Variants in VEZT observed in about 807,000 individuals in gnomAD.
VEZT encodes the protein vezatin, adherens junctions transmembrane protein, also known as vezatin.
In VEZT, 39 loss-of-function variants were observed where a neutral mutation model predicts 79.9. The ratio of observed to expected loss-of-function variants is 0.49; its 90% CI spans 0.38 to 0.64. The LOEUF (loss-of-function observed/expected upper bound fraction) is 0.64. VEZT is among the 30% of genes least tolerant of loss of function. The pLI, the probability that VEZT is intolerant of heterozygous loss-of-function variation, is 0.00. For missense variants in VEZT, 837 were observed against 893.1 expected, an observed-to-expected ratio of 0.94 and a Z score of 0.80; for synonymous variants, 325 against 327.6, an observed-to-expected ratio of 0.99 and a Z score of 0.09.
intron 1 of VEZT, among the ~76,000 whole-genome samples, chr12:95,227,799 C>A (rs2058705533): frequency 6.6e-6 from 1 of 152,184 alleles, no homozygotes; most frequent in Non-Finnish European, 1.5e-5. Flanking sequence ...CTGTCTTAAA[C>A]CTTGCTATTC....
At chr12:95,300,003 C>T in intron 11 of VEZT, 162 bp from the exon 12 acceptor site, 1 of 454,102 alleles carries the variant, frequency 2.2e-6, no homozygotes, top group East Asian at 3.6e-5. Flanking sequence ...TATAAAGTTT[C>T]CTGGATTTAT....
chr12:95,264,719 G>A (rs373231235), intron 4 of VEZT, among the ~76,000 whole-genome samples: 4 of 151,848 alleles, frequency 2.6e-5, no homozygotes, highest in Non-Finnish European at 2.9e-5. Context: ...TTACAGGCAC[G>A]AGCCCCTGCA....
chr12:95,232,353 G>A (rs976871817), intron 1 of VEZT, among the ~76,000 whole-genome samples: 2 of 152,156 alleles, frequency 1.3e-5, no homozygotes, highest in Admixed American at 6.6e-5. Context: ...AGTATGTAGA[G>A]AACACTTTTT....
chr12:95,243,535 T>G (rs1346979129), intron 1 of VEZT, among the ~76,000 whole-genome samples: 1 of 152,126 alleles, frequency 6.6e-6, no homozygotes, highest in Non-Finnish European at 1.5e-5. Context: ...CTGTTATAAA[T>G]AAATAAATAA....
intron 6 of VEZT, among the ~76,000 whole-genome samples, chr12:95,273,305 C>T (rs2067003544): frequency 6.6e-6 from 1 of 151,968 alleles, no homozygotes; most frequent in South Asian, 2.1e-4. Context: ...ATAAAAGGGA[C>T]TGTGTGTTTA....
chr12:95,233,932 A>T (rs2059629906), intron 1 of VEZT, among the ~76,000 whole-genome samples: 1 of 152,324 alleles, frequency 6.6e-6, no homozygotes, highest in South Asian at 2.1e-4. Flanking sequence ...GCTTAGTGGT[A>T]AAATTGCTAG....
chr12:95,255,472 C>G (rs2063314468), intron 2 of VEZT, among the ~76,000 whole-genome samples: 1 of 152,192 alleles, frequency 6.6e-6, no homozygotes. Context: ...CGCGCTGTCG[C>G]CCAGCCTTGA....
At chr12:95,292,471 A>G (rs953915581) in intron 9 of VEZT, among the ~76,000 whole-genome samples, 1 of 152,070 alleles carries the variant, frequency 6.6e-6, no homozygotes. Flanking sequence ...AATCTGTAGC[A>G]GGCACTTTTC....
At chr12:95,235,518 C>T (rs1379274464) in intron 1 of VEZT, among the ~76,000 whole-genome samples, 7 of 140,718 alleles carry the variant, frequency 5.0e-5, no homozygotes, top group Non-Finnish European at 9.4e-5. Context: ...ACCTCCCGGA[C>T]GGGGCAGCTG....
Position 95,274,143 on chromosome 12 carries a change from G to A in VEZT, c.849-599G>A, listed in dbSNP as rs187888501. Among the ~76,000 whole-genome samples, 15 of 152,246 alleles carry A rather than the reference G, an allele frequency of 9.9e-5. No individual in the cohort carries two copies. In the East Asian group the frequency reaches 2.9e-3, roughly 29 times the overall value. Reference sequence around the variant, plus strand: ...GCCCTGAACCATGACACAGTAAAGTGCACAATACAGCTACAAATGGTAGGT... The same window carrying A: ...GCCCTGAACCATGACACAGTAAAGTACACAATACAGCTACAAATGGTAGGT... On this transcript the variant is annotated intron_variant, in intron 6 of 11. Coordinates refer to ENST00000436874, the MANE Select transcript of VEZT (RefSeq NM_017599.4).
intron 1 of VEZT, among the ~76,000 whole-genome samples, chr12:95,240,011 A>G (rs1566039301): frequency 1.5e-5 from 2 of 134,226 alleles, no homozygotes; most frequent in Non-Finnish European, 3.2e-5. Flanking sequence ...AGAGAGAGAA[A>G]GAGAGAAAGA....
At chr12:95,255,980 G>T (rs1271811746) in intron 2 of VEZT, among the ~76,000 whole-genome samples, 1 of 151,900 alleles carries the variant, frequency 6.6e-6, no homozygotes, top group African/African-American at 2.4e-5. Context: ...AACTGTCCTG[G>T]AGTGCGCCAC....
chr12:95,234,355 T>C (rs1270612329), intron 1 of VEZT, among the ~76,000 whole-genome samples: 1 of 150,640 alleles, frequency 6.6e-6, no homozygotes, highest in Admixed American at 6.6e-5. Flanking sequence ...TGGCGCGATC[T>C]GGGCTCACCG....
At chr12:95,297,410 C>T (rs2367083) in intron 11 of VEZT, among the ~76,000 whole-genome samples, 112,331 of 150,546 alleles carry the variant, frequency 0.75, 42,744 homozygotes, top group African/African-American at 0.92. Context: ...TTTTTTTTTT[C>T]CCCTCAGGAG....
intron 5 of VEZT, among the ~76,000 whole-genome samples, chr12:95,268,421 C>G (rs546065974): frequency 8.5e-5 from 13 of 152,200 alleles, no homozygotes; most frequent in Middle Eastern, 3.4e-3. Flanking sequence ...TGGCATGAAC[C>G]CGGGAGGCAG....
chr12:95,295,174 T>C (rs1181107528), intron 10 of VEZT, among the ~76,000 whole-genome samples: 2 of 152,186 alleles, frequency 1.3e-5, no homozygotes, highest in Non-Finnish European at 2.9e-5. Context: ...GGTTCTTTTT[T>C]ATATGAGACC....
rs1255733112 is a variant in VEZT at position 95,296,136 on chromosome 12, A to G, written c.1709A>G (p.Glu570Gly). 1.9e-6 allele frequency: 3 copies of G among 1,567,802 alleles called. No individual in the cohort carries two copies. Among genetic ancestry groups the G allele is most frequent in the East Asian group, 2.3e-5 (1 of 43,142 alleles). ...TATTACTTGTCTCAAGAAGACAAAG[A>G]GAGACAGAAGCGTGAGCATGAAGAA... ...DFYYLSQEDK[E>G]RQKREHEESK... Residue 570 changes from glutamate (E) to glycine (G), a missense_variant, in exon 11 of 12, where the codon GAG becomes GGG. Glu to Gly is a moderately conservative substitution (Grantham distance 98). Coordinates refer to ENST00000436874, the MANE Select transcript of VEZT (RefSeq NM_017599.4).
chr12:95,285,536 T>C (rs2139417430), intron 8 of VEZT, among the ~76,000 whole-genome samples: 1 of 152,292 alleles, frequency 6.6e-6, no homozygotes, highest in East Asian at 1.9e-4. Context: ...ACCTCAAAAA[T>C]ACCTCTTCCT....
In VEZT at chr12:95,261,974, A is replaced by G. The variant is rs139533298; in HGVS notation, c.259-932A>G. Among the ~76,000 whole-genome samples, 482 of 152,350 alleles carry G rather than the reference A, an allele frequency of 3.2e-3. 2 individuals carry two copies. The highest frequency in any genetic ancestry group is 9.9e-3 in the African/African-American group (413 of 41,584). On this transcript the variant is annotated intron_variant, in intron 3 of 11. Transcript: ENST00000436874. ...CCTCTCTACCATGTGCACTCTGTGC[A>G]CAATCTATTAATAATATCATCTAAT...
Sources: allele counts gnomAD v4.1 joint callset (sites outside exome capture counted in the v4.1 genomes callset), GRCh38; gene constraint gnomAD v4.1.1; transcripts MANE v1.5; gene names NCBI Gene and HGNC (gene_info 2026-07-23, HGNC 2026-07-21).